PHF14: variants seen among roughly 807,000 people sequenced by gnomAD.
PHF14 encodes PHD finger protein 14.
A neutral mutation model predicts 117.9 loss-of-function variants in PHF14; 55 were observed. The ratio of observed to expected loss-of-function variants is 0.47; its 90% CI spans 0.38 to 0.58. The LOEUF is 0.58. Ranked by LOEUF, PHF14 falls within the 20% of genes least tolerant of loss-of-function variation. The pLI, the probability that PHF14 is intolerant of heterozygous loss-of-function variation, is 0.00. For synonymous variants in PHF14, 409 were observed against 368.6 expected, an observed-to-expected ratio of 1.11 and a Z score of -1.26; for missense variants, 978 against 1,122.2, an observed-to-expected ratio of 0.87 and a Z score of 1.84.
At chr7:11,077,211 TTA>T (rs1182684727) in intron 16 of PHF14, among the ~76,000 whole-genome samples, 3 of 152,016 alleles carry the variant, frequency 2.0e-5, no homozygotes, top group African/African-American at 7.2e-5. Flanking sequence ...ATTGCTCTAA[TTA>T]TAAATTGAAG....
intron 16 of PHF14, among the ~76,000 whole-genome samples, chr7:11,077,392 A>G (rs1008789946): frequency 6.6e-6 from 1 of 151,912 alleles, no homozygotes; most frequent in Non-Finnish European, 1.5e-5. Context: ...CACAAGGTCA[A>G]GAGATGAAGA....
intron 17 of PHF14, among the ~76,000 whole-genome samples, chr7:11,150,775 C>T (rs1032539394): frequency 6.6e-6 from 1 of 152,052 alleles, no homozygotes; most frequent in African/African-American, 2.4e-5. Flanking sequence ...TGGGGTATAT[C>T]ATTTCTGTGA....
chr7:11,021,923 T>C (rs940738898), intron 5 of PHF14, among the ~76,000 whole-genome samples: 2 of 152,164 alleles, frequency 1.3e-5, no homozygotes, highest in African/African-American at 4.8e-5. Context: ...GCATAGCCTC[T>C]GAAGTTGTGA....
intron 14 of PHF14, among the ~76,000 whole-genome samples, chr7:11,055,955 G>C (rs948206669): frequency 9.2e-5 from 14 of 152,116 alleles, no homozygotes; most frequent in Admixed American, 2.0e-4. Flanking sequence ...TATACTAACT[G>C]TTTGAATTAC....
chr7:11,027,751 A>G (rs552742096), intron 6 of PHF14, among the ~76,000 whole-genome samples: 2 of 152,214 alleles, frequency 1.3e-5, no homozygotes, highest in East Asian at 1.9e-4. Context: ...CTAGGTTGTA[A>G]TGCCTAGATT....
chr7:11,168,217 A>G (rs1363632093), intron 17 of PHF14, among the ~76,000 whole-genome samples: 1 of 152,220 alleles, frequency 6.6e-6, no homozygotes, highest in Non-Finnish European at 1.5e-5. Flanking sequence ...ATGATATTCA[A>G]AACCCCATTC....
At position 11,013,906 on chromosome 7, in the gene PHF14, G is replaced by A; in HGVS notation, c.1205G>A (p.Arg402Lys). The stretch of plus-strand genomic sequence containing the variant: ...ATTTTCAAGGAGACAGATGCTGGAA[G>A]GTTAATGTCCTAATTATGTTGGTTC... ...DGIFKETDAG[R>K]WVHIVCALYV... The change falls in exon 5 of 18, where the codon AGA becomes AAA. Residue 402 changes from arginine (R) to lysine (K), a missense_variant and splice_region_variant. Transcript: ENST00000634607. 1.9e-6 allele frequency: 3 copies of A among 1,595,812 alleles called. No individual in the cohort carries two copies. The highest frequency in any genetic ancestry group is 2.6e-6 in the Non-Finnish European group (3 of 1,166,284).
At chr7:11,104,119 T>G in intron 16 of PHF14, 1 of 984,858 alleles carries the variant, frequency 1.0e-6, no homozygotes, top group South Asian at 4.7e-5. Context: ...TTATTTTAGG[T>G]TTTTTGAGAA....
intron 16 of PHF14, among the ~76,000 whole-genome samples, chr7:11,075,761 C>A (rs1785823881): frequency 6.6e-6 from 1 of 151,698 alleles, no homozygotes; most frequent in Non-Finnish European, 1.5e-5. Flanking sequence ...CATTTAGATA[C>A]CCTATGAAAT....
At chr7:11,083,753 C>T (rs1007796577) in intron 16 of PHF14, among the ~76,000 whole-genome samples, 3 of 152,028 alleles carry the variant, frequency 2.0e-5, no homozygotes, top group African/African-American at 7.2e-5. Context: ...AGTCACCACA[C>T]CTGGCCTGCT....
chr7:11,114,017 C>T (rs1459154162), intron 17 of PHF14, among the ~76,000 whole-genome samples: 1 of 152,048 alleles, frequency 6.6e-6, no homozygotes, highest in Non-Finnish European at 1.5e-5. Context: ...CTAGGTAGCA[C>T]TGGGTATATT....
At chr7:10,996,052 G>A (rs141576061) in intron 4 of PHF14, among the ~76,000 whole-genome samples, 29 of 152,364 alleles carry the variant, frequency 1.9e-4, no homozygotes, top group African/African-American at 6.7e-4. Flanking sequence ...AAGAGTGAGC[G>A]AGGGCTGTGA....
chr7:11,025,668 G>A (rs1418315440), intron 6 of PHF14, among the ~76,000 whole-genome samples: 8 of 152,104 alleles, frequency 5.3e-5, no homozygotes, highest in Non-Finnish European at 1.2e-4. Flanking sequence ...GGTAGCAGGT[G>A]CCTGTAGTCT....
At chr7:11,030,984 G>A (rs1001917652) in intron 7 of PHF14, among the ~76,000 whole-genome samples, 1 of 152,138 alleles carries the variant, frequency 6.6e-6, no homozygotes, top group East Asian at 1.9e-4. Flanking sequence ...TCTATTTCTA[G>A]ATGGTTGTAC....
intron 17 of PHF14, among the ~76,000 whole-genome samples, chr7:11,157,723 A>C (rs1788907617): frequency 6.6e-6 from 1 of 152,200 alleles, no homozygotes; most frequent in Non-Finnish European, 1.5e-5. Context: ...TTCATGTGTT[A>C]GACATCCCTC....
chr7:11,119,801 C>G (rs1170822612), intron 17 of PHF14, among the ~76,000 whole-genome samples: 1 of 151,742 alleles, frequency 6.6e-6, no homozygotes, highest in East Asian at 1.9e-4. Context: ...CAAATCTAAG[C>G]CAAGAAAATT....
At chr7:11,149,390 G>A (rs1009647748) in intron 17 of PHF14, among the ~76,000 whole-genome samples, 3 of 152,044 alleles carry the variant, frequency 2.0e-5, no homozygotes, top group African/African-American at 7.2e-5. Context: ...ATGGGACCCT[G>A]GGGAAGTTCA....
At chr7:11,151,770 T>C (rs1256220323) in intron 17 of PHF14, among the ~76,000 whole-genome samples, 1 of 152,166 alleles carries the variant, frequency 6.6e-6, no homozygotes, top group African/African-American at 2.4e-5. Flanking sequence ...AGGCCATTTT[T>C]TTCTTGCTTG....
At chr7:11,025,269 G>A (rs1399019362) in intron 6 of PHF14, among the ~76,000 whole-genome samples, 1 of 152,104 alleles carries the variant, frequency 6.6e-6, no homozygotes, top group Admixed American at 6.5e-5. Flanking sequence ...TTCTCGAGTT[G>A]GAATCTACTC....
Sources: allele counts gnomAD v4.1 joint callset (sites outside exome capture counted in the v4.1 genomes callset), GRCh38; gene constraint gnomAD v4.1.1; transcripts MANE v1.5; gene names NCBI Gene and HGNC (gene_info 2026-07-23, HGNC 2026-07-21).